The following SYNJ2 variants were observed in gnomAD, a reference collection of about 807,000 sequenced individuals.
The protein encoded by SYNJ2 is synaptojanin 2.
A neutral mutation model predicts 141.3 loss-of-function variants in SYNJ2; 116 were observed. That is an observed-to-expected ratio of 0.82 (90% CI 0.71 to 0.96). The LOEUF is 0.96. Ranked by LOEUF, SYNJ2 falls within the 40% of genes least tolerant of loss-of-function variation. The pLI is 0.00. For synonymous variants in SYNJ2, 745 were observed against 777.7 expected (o/e 0.96, Z 0.70); for missense variants, 1,873 against 1,934.8 (o/e 0.97, Z 0.60).
chr6:158,076,865 A>G (rs1229517933), intron 17 of SYNJ2, 83 bp downstream of exon 17: 1 of 1,462,580 alleles, frequency 6.8e-7, no homozygotes, highest in Non-Finnish European at 9.1e-7. Context: ...ACCCAACCCC[A>G]GGCGCTGCTA....
At chr6:158,007,634 G>A (rs920013347) in intron 1 of SYNJ2, among the ~76,000 whole-genome samples, 4 of 152,106 alleles carry the variant, frequency 2.6e-5, no homozygotes, top group Non-Finnish European at 4.4e-5. Flanking sequence ...TGGTATTGTG[G>A]TTGTGTTTTG....
At chr6:158,066,761 T>A in intron 12 of SYNJ2, 126 bp downstream of exon 12, 1 of 1,101,284 alleles carries the variant, frequency 9.1e-7, no homozygotes. Context: ...TCACAATGTC[T>A]AAATAGCACC....
At chr6:158,044,175 C>T (rs769248429) in intron 5 of SYNJ2, among the ~76,000 whole-genome samples, 3 of 152,194 alleles carry the variant, frequency 2.0e-5, no homozygotes, top group Middle Eastern at 3.2e-3. Flanking sequence ...CGACAGCTCT[C>T]GTGTGACTGC....
intron 20 of SYNJ2, 68 bp downstream of exon 20, chr6:158,081,578 T>A: frequency 1.8e-6 from 2 of 1,103,188 alleles, no homozygotes; most frequent in South Asian, 2.5e-5. Context: ...GGGCATGTCT[T>A]CTTCCTCCTC....
intron 1 of SYNJ2, among the ~76,000 whole-genome samples, chr6:157,995,894 T>C (rs1180951886): frequency 2.0e-5 from 3 of 152,156 alleles, no homozygotes; most frequent in African/African-American, 7.2e-5. Flanking sequence ...TTTCTGGGAA[T>C]AAACAAAGTG....
At position 158,076,694 on chromosome 6, in the gene SYNJ2, C is replaced by T. The variant is rs757918341; in HGVS notation, c.2361C>T (p.Ala787=). The T allele has an allele frequency of 3.5e-5, 56 of 1,614,066 alleles. No homozygotes were observed. The highest frequency in any genetic ancestry group is 4.5e-5 in the Non-Finnish European group (53 of 1,180,042). ...CCTACAAGTATGACGTTGGCTCAGC[C>T]GCCTACGATACAAGCGACAAATGCC... ...GPTYKYDVGS[A]AYDTSDKCRT... The change falls in exon 17 of 27, where the codon GCC becomes GCT. Residue 787 remains alanine, a synonymous_variant. Transcript: ENST00000355585.
chr6:158,096,429 A>T lies in SYNJ2; in HGVS notation c.*65A>T. The T allele has an allele frequency of 6.7e-7, 1 of 1,494,062 alleles. No homozygotes were observed. Among genetic ancestry groups the T allele is most frequent in the South Asian group, 1.4e-5 (1 of 73,786 alleles). The allele number at this position is 1,494,062 out of a possible 1,614,324, so 92.6% of individuals were successfully genotyped here. A position where few individuals can be genotyped will look rare whatever the true frequency, so the allele number is the denominator to read the frequency against. On this transcript the variant is annotated 3_prime_UTR_variant, in exon 27 of 27. Coordinates refer to ENST00000355585, the MANE Select transcript of SYNJ2 (RefSeq NM_003898.4). The stretch of plus-strand genomic sequence containing the variant: ...CCTTCCTCCCTCTAGACATCCCTCC[A>T]CCAGAAGAGACATCTATTTAAAGGC...
intron 12 of SYNJ2, chr6:158,067,918 T>C (rs1463461011): frequency 1.0e-6 from 1 of 984,938 alleles, no homozygotes; most frequent in African/African-American, 1.7e-5. Flanking sequence ...TCAAGAGCCG[T>C]CCCTCCAGTC....
intron 20 of SYNJ2, among the ~76,000 whole-genome samples, chr6:158,081,760 C>G (rs370784630): frequency 3.4e-4 from 51 of 151,838 alleles, no homozygotes; most frequent in African/African-American, 1.2e-3. Context: ...TAGCTGGGAC[C>G]GCAGGCACGT....
At chr6:157,995,143 A>G (rs565938360) in intron 1 of SYNJ2, among the ~76,000 whole-genome samples, 12 of 152,354 alleles carry the variant, frequency 7.9e-5, no homozygotes, top group East Asian at 3.9e-4. Flanking sequence ...TGTTCAGACT[A>G]TATACAGGCA....
At position 158,040,216 on chromosome 6, in the gene SYNJ2, A is replaced by G. The variant is rs1779868830; in HGVS notation, c.712-3100A>G. ...CAGTGTGTGCGTGGTATGTGCATTT[A>G]TGTGTTGTACATGTGTGTATGTGTC... On this transcript the variant is annotated intron_variant, in intron 4 of 26. Transcript: ENST00000355585. This position sits in a 1 kb window ranked among gnomAD's most constrained non-coding sequence, Gnocchi z 4.2. Among the ~76,000 whole-genome samples, 1 of 148,296 alleles carries G rather than the reference A, an allele frequency of 6.7e-6. No individual in the cohort carries two copies. The highest frequency in any genetic ancestry group is 1.9e-4 in the East Asian group (1 of 5,180).
chr6:157,988,764 G>A (rs922939412), intron 1 of SYNJ2, among the ~76,000 whole-genome samples: 1 of 152,158 alleles, frequency 6.6e-6, no homozygotes, highest in Non-Finnish European at 1.5e-5. Flanking sequence ...TTCTGGGCAG[G>A]GCTTGTTGGT....
At chr6:158,059,954 C>T (rs890188018) in intron 7 of SYNJ2, among the ~76,000 whole-genome samples, 1 of 152,220 alleles carries the variant, frequency 6.6e-6, no homozygotes, top group Non-Finnish European at 1.5e-5. Context: ...ACCCTCCCTC[C>T]CCATGGGGCT....
At chr6:158,088,483 A>G (rs926924345) in intron 23 of SYNJ2, among the ~76,000 whole-genome samples, 177 bp from the exon 24 acceptor site, 11 of 152,152 alleles carry the variant, frequency 7.2e-5, no homozygotes, top group African/African-American at 2.7e-4. Flanking sequence ...GAGAAACTCC[A>G]TAGAGAGTCA....
intron 12 of SYNJ2, among the ~76,000 whole-genome samples, chr6:158,066,841 G>C (rs1282652567): frequency 1.3e-5 from 2 of 152,196 alleles, no homozygotes; most frequent in Non-Finnish European, 2.9e-5. Flanking sequence ...GTTTAGAAGA[G>C]TTAGCAGATG....
chr6:158,066,154 G>A (rs557269687), intron 11 of SYNJ2, among the ~76,000 whole-genome samples: 2 of 152,276 alleles, frequency 1.3e-5, no homozygotes, highest in South Asian at 2.1e-4. Context: ...TCGTGTCTGA[G>A]ATCCCTATGG....
At chr6:158,035,586 T>C (rs919420533) in intron 4 of SYNJ2, among the ~76,000 whole-genome samples, 9 of 152,336 alleles carry the variant, frequency 5.9e-5, no homozygotes, top group Admixed American at 6.5e-5. Context: ...TATAGAATCA[T>C]GTTGATTGCA....
chr6:158,007,113 G>A (rs779539016), intron 1 of SYNJ2, among the ~76,000 whole-genome samples: 8 of 152,132 alleles, frequency 5.3e-5, no homozygotes, highest in Non-Finnish European at 1.2e-4. Flanking sequence ...CCACAAGTGT[G>A]CACACCTTGC....
rs574400335 is a variant in SYNJ2, at chr6:158,083,924, C to A, written c.3035-77C>A. On this transcript the variant is annotated intron_variant, in intron 21 of 26. Coordinates refer to ENST00000355585, the MANE Select transcript of SYNJ2 (RefSeq NM_003898.4). ...TGCACGTGTCCTGACAGGAGCTGAA[C>A]CAGTCCCACTGATGGAAGACTGAGC... 2.7e-5 allele frequency: 42 copies of A among 1,530,428 alleles called. 1 individual carries two copies. The East Asian group carries it at 9.0e-4, about 33-fold the overall frequency. The allele number at this position is 1,530,428 out of a possible 1,614,324, so 94.8% of individuals were successfully genotyped here.
Sources: gnomAD v4.1 joint callset for allele counts (sites outside exome capture counted in the v4.1 genomes callset) on GRCh38, gnomAD v4.1.1 for gene constraint, Gnocchi (gnomAD v3.1) non-coding constraint, MANE v1.5 for transcripts, NCBI Gene and HGNC (gene_info 2026-07-23, HGNC 2026-07-21) for gene names.